The following UNC5C variants were observed in gnomAD, a reference collection of about 807,000 sequenced individuals.
The protein encoded by UNC5C is netrin receptor UNC5C.
A neutral mutation model predicts 99.8 loss-of-function variants in UNC5C; 47 were observed. That is an observed-to-expected ratio of 0.47 (90% CI 0.37 to 0.60). The LOEUF (loss-of-function observed/expected upper bound fraction) is 0.60. Among genes scored for constraint, UNC5C ranks in the 20% least tolerant of loss-of-function variants. The pLI is 0.00. For synonymous variants in UNC5C, 487 were observed against 452.2 expected (o/e 1.08, Z -0.98); for missense variants, 1,062 against 1,165.9 (o/e 0.91, Z 1.30).
chr4:95,187,711 G>T (rs1736891795), intron 12 of UNC5C, among the ~76,000 whole-genome samples: 1 of 152,190 alleles, frequency 6.6e-6, no homozygotes, highest in African/African-American at 2.4e-5. Context: ...TGGCTTGGAG[G>T]AGCCCTTTTT....
At chr4:95,311,781 T>G (rs1390709366) in intron 2 of UNC5C, among the ~76,000 whole-genome samples, 1 of 152,192 alleles carries the variant, frequency 6.6e-6, no homozygotes, top group Non-Finnish European at 1.5e-5. Context: ...CACTGGTTCA[T>G]GCCTATAATT....
At chr4:95,312,974 C>T (rs1005857165) in intron 2 of UNC5C, among the ~76,000 whole-genome samples, 1 of 152,108 alleles carries the variant, frequency 6.6e-6, no homozygotes, top group South Asian at 2.1e-4. Context: ...TAGTCCAAAA[C>T]TTAGAAAATT....
At chr4:95,428,577 C>T (rs1746547090) in intron 1 of UNC5C, among the ~76,000 whole-genome samples, 1 of 152,086 alleles carries the variant, frequency 6.6e-6, no homozygotes, top group African/African-American at 2.4e-5. Context: ...TTCCCATAAA[C>T]AGTTAGTTTC....
At chr4:95,263,696 C>T (rs1430675891) in intron 4 of UNC5C, among the ~76,000 whole-genome samples, 1 of 152,204 alleles carries the variant, frequency 6.6e-6, no homozygotes, top group Non-Finnish European at 1.5e-5. Context: ...CACATAAAAT[C>T]ACTCAACCTT....
chr4:95,183,854 A>G (rs1190038898), intron 13 of UNC5C, among the ~76,000 whole-genome samples: 3 of 152,184 alleles, frequency 2.0e-5, no homozygotes, highest in Non-Finnish European at 4.4e-5. Flanking sequence ...CAGTTTTCCT[A>G]TCTGCAAAAG....
At position 95,450,657 on chromosome 4, in the gene UNC5C, A is replaced by T. The variant is rs550634969; in HGVS notation, c.124+98077T>A. 8.4e-4 allele frequency among the ~76,000 whole-genome samples: 128 copies of T among 152,380 alleles called. 2 individuals are homozygous for T. Among genetic ancestry groups the T allele is most frequent in the African/African-American group, 2.9e-3 (121 of 41,594 alleles). On this transcript the variant is annotated intron_variant, in intron 1 of 15. Coordinates refer to ENST00000453304, the MANE Select transcript of UNC5C (RefSeq NM_003728.4). ...ATCTATTATTAGTAATGCTGCTTAA[A>T]TAAGAGTGACGTGTTTCCACAAACT... is the stretch of plus-strand genomic sequence containing the variant.
At chr4:95,366,847 C>T (rs1359788307) in intron 1 of UNC5C, among the ~76,000 whole-genome samples, 1 of 152,140 alleles carries the variant, frequency 6.6e-6, no homozygotes, top group African/African-American at 2.4e-5. Context: ...CTTTGTGAGG[C>T]AATTTATACC....
intron 1 of UNC5C, among the ~76,000 whole-genome samples, chr4:95,506,548 G>T (rs979452328): frequency 6.6e-6 from 1 of 151,852 alleles, no homozygotes; most frequent in Non-Finnish European, 1.5e-5. Flanking sequence ...AATATATGAC[G>T]TGTTACTTTA....
chr4:95,305,935 T>C (rs1185684280), intron 2 of UNC5C, among the ~76,000 whole-genome samples: 1 of 152,204 alleles, frequency 6.6e-6, no homozygotes, highest in Non-Finnish European at 1.5e-5. Context: ...TTTTAGCATA[T>C]GCTTAATTTC....
At chr4:95,505,341 A>G (rs1721888497) in intron 1 of UNC5C, among the ~76,000 whole-genome samples, 1 of 152,076 alleles carries the variant, frequency 6.6e-6, no homozygotes, top group African/African-American at 2.4e-5. Flanking sequence ...AAGATCCTAG[A>G]AAAATAAACT....
At chr4:95,191,597 C>G (rs1165846651) in intron 12 of UNC5C, among the ~76,000 whole-genome samples, 2 of 151,492 alleles carry the variant, frequency 1.3e-5, no homozygotes, top group Non-Finnish European at 2.9e-5. Context: ...TTCTCCCCTG[C>G]TCTCCCTCCT....
chr4:95,434,229 T>C (rs1746711465), intron 1 of UNC5C, among the ~76,000 whole-genome samples: 2 of 152,094 alleles, frequency 1.3e-5, no homozygotes, highest in Admixed American at 1.3e-4. Flanking sequence ...ATCTCTTCTT[T>C]CTTGGACATT....
chr4:95,238,708 TTCTC>T (rs966503716), intron 7 of UNC5C, among the ~76,000 whole-genome samples: 2 of 152,226 alleles, frequency 1.3e-5, no homozygotes, highest in African/African-American at 2.4e-5. Context: ...ATTAGTTTTA[TTCTC>T]TCTTTTACAT....
In UNC5C at chr4:95,206,003, C is replaced by CT. The variant is rs70946599; in HGVS notation, c.1902+624dup. Among the ~76,000 whole-genome samples, 329 of 142,942 alleles carry CT rather than the reference C, an allele frequency of 2.3e-3. 2 individuals carry two copies. The highest frequency in any genetic ancestry group is 0.011 in the Middle Eastern group (3 of 274). 93.8% of individuals were successfully genotyped at this position (142,942 alleles called of 152,430 possible). A position where few individuals can be genotyped will look rare whatever the true frequency, so the allele number is the denominator to read the frequency against. On this transcript the variant is annotated intron_variant, in intron 11 of 15. Transcript: ENST00000453304. ...AATTATATACGTATATATACATATA[C>CT]TTTTTTTTTTTTTTTGAGATGGAAT...
intron 4 of UNC5C, among the ~76,000 whole-genome samples, chr4:95,261,065 A>C (rs1195271024): frequency 6.6e-6 from 1 of 152,184 alleles, no homozygotes; most frequent in African/African-American, 2.4e-5. Context: ...TTTTCTGTCC[A>C]TAAAACCAAG....
chr4:95,529,356 AT>A (rs964667821), intron 1 of UNC5C, among the ~76,000 whole-genome samples: 4 of 147,182 alleles, frequency 2.7e-5, no homozygotes, highest in African/African-American at 9.9e-5. Context: ...GTATATATAT[AT>A]TATATATATA....
At chr4:95,326,962 A>G (rs1742911828) in intron 2 of UNC5C, among the ~76,000 whole-genome samples, 1 of 152,208 alleles carries the variant, frequency 6.6e-6, no homozygotes, top group Admixed American at 6.5e-5. Flanking sequence ...AGGTATGTAT[A>G]AAAGCAACTT....
intron 12 of UNC5C, among the ~76,000 whole-genome samples, chr4:95,196,535 G>T (rs1737401714): frequency 6.6e-6 from 1 of 151,448 alleles, no homozygotes; most frequent in South Asian, 2.1e-4. Flanking sequence ...CTGTATCAGT[G>T]CTTTCAAATT....
At chr4:95,244,381 A>C (rs1055816796) in intron 6 of UNC5C, among the ~76,000 whole-genome samples, 2 of 152,104 alleles carry the variant, frequency 1.3e-5, no homozygotes, top group African/African-American at 2.4e-5. Context: ...AGATGCATGC[A>C]CTCTTGCTGT....
Sources: gnomAD v4.1 joint callset for allele counts (sites outside exome capture counted in the v4.1 genomes callset) on GRCh38, gnomAD v4.1.1 for gene constraint, MANE v1.5 for transcripts, NCBI Gene and HGNC (gene_info 2026-07-23, HGNC 2026-07-21) for gene names.